Variants in DIPK2B observed in about 807,000 individuals in gnomAD.
The protein encoded by DIPK2B is UPF0672 protein CXorf36.
A neutral mutation model predicts 22.2 loss-of-function variants in DIPK2B; 15 were observed. That is an observed-to-expected ratio of 0.68 (90% CI 0.45 to 1.04). The LOEUF (loss-of-function observed/expected upper bound fraction) is 1.04. DIPK2B is among the 50% of genes least tolerant of loss of function. DIPK2B has a pLI of 0.00. For missense variants in DIPK2B, 345 were observed against 348.3 expected (o/e 0.99, Z 0.08); for synonymous variants, 163 against 153.2 (o/e 1.06, Z -0.47).
At chrX:45,186,039 C>T (rs1423876908) in intron 2 of DIPK2B, among the ~76,000 whole-genome samples, 1 of 112,028 alleles carries the variant, frequency 8.9e-6, no homozygotes, top group East Asian at 2.8e-4. Flanking sequence ...AGTCCCTTTT[C>T]TATGAGACTG....
intron 1 of DIPK2B, among the ~76,000 whole-genome samples, chrX:45,193,813 C>T (rs923272736): frequency 9.0e-6 from 1 of 111,248 alleles, no homozygotes; most frequent in Non-Finnish European, 1.9e-5. Context: ...AAAGATCCTC[C>T]CCTCTAGGTG....
intron 2 of DIPK2B, among the ~76,000 whole-genome samples, chrX:45,160,169 A>G (rs886599752): frequency 4.6e-5 from 5 of 108,278 alleles, no homozygotes; most frequent in African/African-American, 1.7e-4. Context: ...GAGCCAATTA[A>G]ACCTCTTTTC....
chrX:45,151,268 A>C lies in DIPK2B; in HGVS notation c.*384T>G, dbSNP rs1353736351. 3 of 146,541 alleles carry C rather than the reference A, an allele frequency of 2.0e-5. No individual in the cohort carries two copies. Among genetic ancestry groups the C allele is most frequent in the African/African-American group, 9.5e-5 (3 of 31,686 alleles). The allele number at this position is 146,541 out of a possible 1,213,427, so 12.1% of individuals were successfully genotyped here. A position where few individuals can be genotyped will look rare whatever the true frequency, so the allele number is the denominator to read the frequency against. Reference sequence around the variant, plus strand: ...CCCCGCCTCTGTGCTTTTCCAGAACACACTTTGTAACCACCTGGGATGGAG... The same window carrying C: ...CCCCGCCTCTGTGCTTTTCCAGAACCCACTTTGTAACCACCTGGGATGGAG... On this transcript the variant is annotated 3_prime_UTR_variant, in exon 5 of 5. Transcript: ENST00000398000.
intron 2 of DIPK2B, among the ~76,000 whole-genome samples, chrX:45,183,961 G>T (rs1341772589): frequency 8.9e-6 from 1 of 111,874 alleles, no homozygotes; most frequent in Non-Finnish European, 1.9e-5. Flanking sequence ...TACGGGGTAT[G>T]ATAAGTATCA....
chrX:45,180,226 G>A (rs767242404), intron 2 of DIPK2B, among the ~76,000 whole-genome samples: 2 of 111,950 alleles, frequency 1.8e-5, no homozygotes, highest in Non-Finnish European at 3.8e-5. Flanking sequence ...CATTTGGTTT[G>A]TCTGCTAAAA....
In DIPK2B at chrX:45,148,868, G is replaced by T. The variant is rs1053800733; in HGVS notation, c.*2784C>A. ...GGACAGCTCGCCGGTTTTCTCATTT[G>T]CTCCGTTCTGGGACTCGGACAAACG... On this transcript the variant is annotated 3_prime_UTR_variant, in exon 5 of 5. Transcript: ENST00000398000. 7 of 111,941 alleles carry T rather than the reference G, an allele frequency of 6.3e-5. No individual in the cohort carries two copies. The highest frequency in any genetic ancestry group is 2.3e-4 in the African/African-American group (7 of 30,779). The allele number at this position is 111,941 out of a possible 1,213,427, so 9.2% of individuals were successfully genotyped here.
intron 2 of DIPK2B, among the ~76,000 whole-genome samples, chrX:45,190,053 A>G (rs937160339): frequency 4.4e-5 from 5 of 112,427 alleles, no homozygotes; most frequent in Non-Finnish European, 5.6e-5. Flanking sequence ...AAATTTTAGC[A>G]TAACAAATTA....
intron 2 of DIPK2B, among the ~76,000 whole-genome samples, chrX:45,189,875 A>G (rs1052901598): frequency 2.7e-5 from 3 of 111,955 alleles, no homozygotes; most frequent in African/African-American, 9.8e-5. Flanking sequence ...GAAGGGAAAA[A>G]TCTATGGTGG....
At chrX:45,162,954 G>T in intron 2 of DIPK2B, 1 of 753,813 alleles carries the variant, frequency 1.3e-6, no homozygotes, top group South Asian at 6.7e-5. Context: ...TCTGAAGACG[G>T]TCGATAAAAT....
At chrX:45,186,963 G>C (rs775380402) in intron 2 of DIPK2B, among the ~76,000 whole-genome samples, 12 of 112,687 alleles carry the variant, frequency 1.1e-4, no homozygotes, top group African/African-American at 3.9e-4. Flanking sequence ...TAATGAACAT[G>C]CATTTTGGTT....
chrX:45,158,245 C>T (rs926388992), intron 2 of DIPK2B, among the ~76,000 whole-genome samples: 4 of 109,575 alleles, frequency 3.7e-5, no homozygotes, highest in African/African-American at 1.0e-4. Context: ...TTGGGCAGCA[C>T]GGCAGGAGGG....
At chrX:45,167,547 C>T (rs1470222866) in intron 2 of DIPK2B, among the ~76,000 whole-genome samples, 1 of 107,178 alleles carries the variant, frequency 9.3e-6, no homozygotes, top group African/African-American at 3.4e-5. Context: ...AATTGTTTTC[C>T]TACTACAGTA....
intron 2 of DIPK2B, among the ~76,000 whole-genome samples, chrX:45,168,188 C>G (rs1186367304): frequency 1.8e-5 from 2 of 112,216 alleles, no homozygotes; most frequent in Non-Finnish European, 3.8e-5. Flanking sequence ...TATGATAGGT[C>G]ACTTCCTCCT....
intron 2 of DIPK2B, among the ~76,000 whole-genome samples, chrX:45,160,038 T>A (rs1285754202): frequency 1.8e-5 from 2 of 109,754 alleles, no homozygotes; most frequent in Non-Finnish European, 3.8e-5. Context: ...GGGAGCAGAT[T>A]TCCCCCTTAT....
intron 2 of DIPK2B, among the ~76,000 whole-genome samples, chrX:45,173,982 G>A (rs752192196): frequency 1.8e-5 from 2 of 111,125 alleles, no homozygotes; most frequent in African/African-American, 3.3e-5. Flanking sequence ...TCCTTTCTGC[G>A]GTAGAAGGAA....
chrX:45,195,897 G>A (rs866039014), intron 1 of DIPK2B, among the ~76,000 whole-genome samples: 1 of 112,126 alleles, frequency 8.9e-6, no homozygotes, highest in Non-Finnish European at 1.9e-5. Flanking sequence ...AAATCCCAAT[G>A]TAGCCCTTTA....
chrX:45,177,757 TG>T (rs2047126682), intron 2 of DIPK2B, among the ~76,000 whole-genome samples: 1 of 111,419 alleles, frequency 9.0e-6, no homozygotes, highest in Admixed American at 9.6e-5. Context: ...AATTCTCACT[TG>T]GGGAAAGACA....
chrX:45,150,932 G>A lies in DIPK2B; in HGVS notation c.*720C>T, dbSNP rs1341323478. ...TCTATCTTGACACATATTCTTGGAA[G>A]ACTTGGGCTAACACATTGGTCCCCC... is the stretch of plus-strand genomic sequence containing the variant. On this transcript the variant is annotated 3_prime_UTR_variant, in exon 5 of 5. Coordinates refer to ENST00000398000, the MANE Select transcript of DIPK2B (RefSeq NM_176819.4). The A allele has an allele frequency of 9.0e-6, 1 of 111,233 alleles. No homozygotes were observed. The highest frequency in any genetic ancestry group is 2.8e-4 in the East Asian group (1 of 3,550). 9.2% of individuals were successfully genotyped at this position (111,233 alleles called of 1,213,427 possible).
At position 45,154,731 on chromosome X, in the gene DIPK2B, G is replaced by A. The variant is rs535641998; in HGVS notation, c.673-533C>T. ...AGTTGAAACAAATAGGATTATTTGA[G>A]ATTTCACAGATATCACTGCTTAGGA... On this transcript the variant is annotated intron_variant, in intron 3 of 4. Transcript: ENST00000398000. Among the ~76,000 whole-genome samples, 4 of 111,874 alleles carry A rather than the reference G, an allele frequency of 3.6e-5. No individual in the cohort carries two copies. The Middle Eastern group carries it at 0.018, about 513-fold the overall frequency.
Sources: allele counts gnomAD v4.1 joint callset (sites outside exome capture counted in the v4.1 genomes callset), GRCh38; gene constraint gnomAD v4.1.1; transcripts MANE v1.5; gene names NCBI Gene and HGNC (gene_info 2026-07-23, HGNC 2026-07-21).